The following GSK3B variants were observed in gnomAD, a reference collection of about 807,000 sequenced individuals.
The protein encoded by GSK3B is glycogen synthase kinase 3 beta, also known as glycogen synthase kinase-3 beta.
GSK3B carries 15 observed loss-of-function variants against 56.4 expected under a neutral mutation model. The observed-to-expected ratio is 0.27, with a 90% CI of 0.18 to 0.41. GSK3B has a LOEUF of 0.41. GSK3B is among the 10% of genes least tolerant of loss of function. GSK3B has a pLI of 1.00. For missense variants in GSK3B, 300 were observed against 513.4 expected, an observed-to-expected ratio of 0.58 and a Z score of 4.02; for synonymous variants, 181 against 188.9, an observed-to-expected ratio of 0.96 and a Z score of 0.34.
At chr3:119,849,916 C>T (rs538741152) in intron 9 of GSK3B, among the ~76,000 whole-genome samples, 12 of 152,100 alleles carry the variant, frequency 7.9e-5, no homozygotes, top group South Asian at 4.2e-4. Flanking sequence ...CCTGGGTTCA[C>T]GCGATTCTCG....
intron 2 of GSK3B, among the ~76,000 whole-genome samples, chr3:119,985,464 C>T (rs2057506978): frequency 6.6e-6 from 1 of 152,030 alleles, no homozygotes; most frequent in Non-Finnish European, 1.5e-5. Flanking sequence ...AAATCTCAAG[C>T]TGATAACCAA....
chr3:119,974,635 A>AT (rs1347324919), intron 2 of GSK3B, among the ~76,000 whole-genome samples: 1 of 152,212 alleles, frequency 6.6e-6, no homozygotes, highest in South Asian at 2.1e-4. Context: ...TGTTTATGGT[A>AT]TTTTAGCTAC....
chr3:119,968,676 C>T (rs1323588365), intron 2 of GSK3B, among the ~76,000 whole-genome samples: 2 of 151,730 alleles, frequency 1.3e-5, no homozygotes, highest in African/African-American at 4.8e-5. Context: ...ATAGATGCTA[C>T]AAAGCAAAAT....
rs570026338 is a variant in GSK3B at position 120,046,720 on chromosome 3, C to T, written c.89-44481G>A. On this transcript the variant is annotated intron_variant, in intron 1 of 10. Transcript: ENST00000264235. ...GCCTCCTAGGTTCAAGCAACTCTTA[C>T]GTCTCAGCCACCCATGTAGCTAGGA... Among the ~76,000 whole-genome samples, 51 of 152,248 alleles carry T rather than the reference C, an allele frequency of 3.3e-4. No individual in the cohort carries two copies. The South Asian group carries it at 5.6e-3, about 17-fold the overall frequency.
At chr3:120,043,862 T>C (rs1177573288) in intron 1 of GSK3B, among the ~76,000 whole-genome samples, 2 of 152,158 alleles carry the variant, frequency 1.3e-5, no homozygotes, top group East Asian at 3.9e-4. Flanking sequence ...CTCCTCCTTC[T>C]CCATCTAAAC....
At chr3:119,948,832 G>A (rs1048819315) in intron 2 of GSK3B, among the ~76,000 whole-genome samples, 1 of 152,112 alleles carries the variant, frequency 6.6e-6, no homozygotes, top group African/African-American at 2.4e-5. Context: ...CTGAGTAGCT[G>A]GGATTACAGG....
chr3:119,844,973 C>G (rs540342939), intron 9 of GSK3B, among the ~76,000 whole-genome samples: 12 of 152,226 alleles, frequency 7.9e-5, no homozygotes, highest in African/African-American at 2.9e-4. Flanking sequence ...ATGATCAAGT[C>G]GGCTTCATCC....
chr3:119,864,094 G>A (rs1165374388), intron 8 of GSK3B, among the ~76,000 whole-genome samples: 1 of 152,034 alleles, frequency 6.6e-6, no homozygotes, highest in African/African-American at 2.4e-5. Context: ...TACTGATTTG[G>A]TATTATTTCC....
chr3:119,826,717 G>A lies in GSK3B; in HGVS notation c.*71C>T, dbSNP rs763534104. The stretch of plus-strand genomic sequence containing the variant: ...TCTCTTTTTAATATTCTTTCCAAAC[G>A]TGACCAGTGTTGCTGAGTGACACTC... On this transcript the variant is annotated 3_prime_UTR_variant, in exon 11 of 11. Coordinates refer to ENST00000264235, the MANE Select transcript of GSK3B (RefSeq NM_001146156.2). 2.9e-5 allele frequency: 27 copies of A among 918,866 alleles called. No homozygotes were observed. Among genetic ancestry groups the A allele is most frequent in the African/African-American group, 1.8e-4 (11 of 61,684 alleles). 56.9% of individuals were successfully genotyped at this position (918,866 alleles called of 1,614,324 possible).
chr3:119,866,591 C>T (rs1174225568), intron 8 of GSK3B: 9 of 1,600,246 alleles, frequency 5.6e-6, no homozygotes, highest in East Asian at 2.2e-5. Context: ...AGTACATACC[C>T]GCACTCCTGA....
At chr3:119,888,955 C>A (rs537272056) in intron 7 of GSK3B, among the ~76,000 whole-genome samples, 6 of 152,166 alleles carry the variant, frequency 3.9e-5, no homozygotes, top group African/African-American at 1.4e-4. Context: ...GAGGTCAGAC[C>A]AGTTCTCTGC....
chr3:119,887,885 G>A (rs914528882), intron 7 of GSK3B, among the ~76,000 whole-genome samples: 4 of 151,964 alleles, frequency 2.6e-5, no homozygotes, highest in East Asian at 1.9e-4. Flanking sequence ...GTATATACAG[G>A]GTATCAACAG....
chr3:120,003,248 C>T (rs955797464), intron 1 of GSK3B, among the ~76,000 whole-genome samples: 13 of 152,328 alleles, frequency 8.5e-5, no homozygotes, highest in Admixed American at 7.8e-4. Context: ...AGCAATCCAA[C>T]GGCTCTCTTC....
intron 9 of GSK3B, among the ~76,000 whole-genome samples, chr3:119,857,400 T>A (rs1469914312): frequency 2.0e-5 from 3 of 152,212 alleles, no homozygotes; most frequent in Non-Finnish European, 2.9e-5. Flanking sequence ...TTCTAAATCC[T>A]CTGTTGTCAT....
At chr3:119,972,233 A>T (rs1300353189) in intron 2 of GSK3B, among the ~76,000 whole-genome samples, 1 of 152,214 alleles carries the variant, frequency 6.6e-6, no homozygotes. Context: ...CAACACAATG[A>T]GATTCAAATA....
At chr3:120,043,186 C>T (rs544902508) in intron 1 of GSK3B, among the ~76,000 whole-genome samples, 1 of 152,210 alleles carries the variant, frequency 6.6e-6, no homozygotes, top group South Asian at 2.1e-4. Flanking sequence ...CGGCTTCTAA[C>T]CACTAAAACC....
chr3:119,866,795 G>T (rs72548705), intron 8 of GSK3B, among the ~76,000 whole-genome samples: 22 of 152,122 alleles, frequency 1.4e-4, no homozygotes, highest in Non-Finnish European at 2.5e-4. Flanking sequence ...CTTCACAGTA[G>T]CAAGTCCAAG....
intron 7 of GSK3B, among the ~76,000 whole-genome samples, chr3:119,879,472 C>T (rs1033776925): frequency 5.9e-5 from 9 of 152,120 alleles, no homozygotes; most frequent in Non-Finnish European, 1.3e-4. Flanking sequence ...TGAGCCATTG[C>T]GCACAGCCTA....
chr3:119,924,016 G>T (rs1026616188), intron 3 of GSK3B, among the ~76,000 whole-genome samples: 6 of 152,098 alleles, frequency 3.9e-5, no homozygotes, highest in Admixed American at 3.3e-4. Context: ...CACACAAAAA[G>T]ATCTTATAGT....
Sources: gnomAD v4.1 joint callset for allele counts (sites outside exome capture counted in the v4.1 genomes callset) on GRCh38, gnomAD v4.1.1 for gene constraint, MANE v1.5 for transcripts, NCBI Gene and HGNC (gene_info 2026-07-23, HGNC 2026-07-21) for gene names.